The following PSD2 variants were observed in gnomAD, a reference collection of about 807,000 sequenced individuals.
The protein encoded by PSD2 is pleckstrin and Sec7 domain containing 2.
PSD2 carries 38 observed loss-of-function variants against 69.8 expected under a neutral mutation model. The ratio of observed to expected loss-of-function variants is 0.54; its 90% CI spans 0.42 to 0.71. The LOEUF is 0.71. Among genes scored for constraint, PSD2 ranks in the 30% least tolerant of loss-of-function variants. The probability of loss-of-function intolerance (pLI) is 0.00; values close to 1 mark genes in which losing one functional copy is unlikely to be tolerated. For synonymous variants in PSD2, 412 were observed against 423.0 expected, an observed-to-expected ratio of 0.97 and a Z score of 0.32; for missense variants, 943 against 1,014.5, an observed-to-expected ratio of 0.93 and a Z score of 0.96.
the PSD2 span, among the ~76,000 whole-genome samples, chr5:139,790,665 G>A: frequency 6.6e-6 from 1 of 152,168 alleles, no homozygotes; most frequent in Non-Finnish European, 1.5e-5. Context: ...CTAAGACCAG[G>A]CCTGTGAATG....
intron 1 of PSD2, among the ~76,000 whole-genome samples, chr5:139,806,183 A>C (rs1378511149): frequency 6.6e-6 from 1 of 152,198 alleles, no homozygotes; most frequent in Non-Finnish European, 1.5e-5. Context: ...GCTGCAGGGG[A>C]TCTTGGCCAA....
In PSD2 at chr5:139,842,646, C is replaced by G. The variant is rs917196743; in HGVS notation, c.*172C>G. On this transcript the variant is annotated 3_prime_UTR_variant, in exon 15 of 15. Coordinates refer to ENST00000274710, the MANE Select transcript of PSD2 (RefSeq NM_032289.4). ...GAGATGCCGTTTGTGGCGTTGATCTCCTTGCGTCCTTGGGCATCTCCGGGC... is the reference window on the plus strand; with the variant it reads ...GAGATGCCGTTTGTGGCGTTGATCTGCTTGCGTCCTTGGGCATCTCCGGGC... 1.6e-6 allele frequency: 1 copy of G among 614,022 alleles called. No individual in the cohort carries two copies. The highest frequency in any genetic ancestry group is 1.8e-5 in the African/African-American group (1 of 54,236). 38.0% of individuals were successfully genotyped at this position (614,022 alleles called of 1,614,324 possible).
At chr5:139,774,148 G>A in the PSD2 span, among the ~76,000 whole-genome samples, 1 of 151,456 alleles carries the variant, frequency 6.6e-6, no homozygotes, top group African/African-American at 2.4e-5. Context: ...GATGTGCATT[G>A]TCCTAATGAT....
At chr5:139,793,759 T>C (rs149061181), upstream of PSD2, among the ~76,000 whole-genome samples, 807 of 152,320 alleles carry the variant, frequency 5.3e-3, 5 homozygotes, top group Non-Finnish European at 6.2e-3. Flanking sequence ...TAAGTAATCA[T>C]TACAGCTGGA....
At chr5:139,840,220 C>T (rs774869655) in intron 14 of PSD2, 50 bp downstream of exon 14, 23 of 1,600,464 alleles carry the variant, frequency 1.4e-5, no homozygotes, top group Non-Finnish European at 5.1e-6. Context: ...GCTCTTTCTC[C>T]TTCCTGCCTG....
chr5:139,824,462 T>A (rs1760362636), intron 7 of PSD2, among the ~76,000 whole-genome samples: 1 of 145,480 alleles, frequency 6.9e-6, no homozygotes, highest in Non-Finnish European at 1.5e-5. Flanking sequence ...AGTGGCGAGA[T>A]CTCGGTTCAC....
At chr5:139,830,823 C>CTTTTTTTTT (rs60786662) in intron 7 of PSD2, among the ~76,000 whole-genome samples, 354 of 82,838 alleles carry the variant, frequency 4.3e-3, no homozygotes, top group Non-Finnish European at 5.3e-3. Context: ...CCTGGACTTG[C>CTTTTTTTTT]TTTTTTTTTT....
At chr5:139,809,044 AG>A (rs1759882231) in intron 1 of PSD2, among the ~76,000 whole-genome samples, 1 of 152,128 alleles carries the variant, frequency 6.6e-6, no homozygotes, top group Non-Finnish European at 1.5e-5. Flanking sequence ...CGGGAATGGG[AG>A]GGGGCCCTAC....
the PSD2 span, among the ~76,000 whole-genome samples, chr5:139,788,179 GC>G: frequency 0.69 from 86,130 of 124,730 alleles, 27,504 homozygotes; most frequent in Middle Eastern, 0.8. Context: ...CCCCCCCCGC[GC>G]CCCCCCCCGA....
In PSD2 at chr5:139,843,221, C is replaced by T. The variant is rs1240945873; in HGVS notation, c.*747C>T. Reference sequence around the variant, plus strand: ...AAAGGAAAAGCCTATTTTGGAGCTTCCCCTGTTAGGAAGGATGGCTGCACC... The same window carrying T: ...AAAGGAAAAGCCTATTTTGGAGCTTTCCCTGTTAGGAAGGATGGCTGCACC... On this transcript the variant is annotated 3_prime_UTR_variant, in exon 15 of 15. Coordinates refer to ENST00000274710, the MANE Select transcript of PSD2 (RefSeq NM_032289.4). 6.6e-6 allele frequency: 1 copy of T among 152,256 alleles called. No individual in the cohort carries two copies. Among genetic ancestry groups the T allele is most frequent in the Non-Finnish European group, 1.5e-5 (1 of 68,048 alleles). 9.4% of individuals were successfully genotyped at this position (152,256 alleles called of 1,614,324 possible).
intron 1 of PSD2, among the ~76,000 whole-genome samples, chr5:139,807,808 T>C (rs1759850146): frequency 6.6e-6 from 1 of 152,178 alleles, no homozygotes; most frequent in Non-Finnish European, 1.5e-5. Context: ...AGGCTCTTGT[T>C]CTCTAAGTGA....
chr5:139,794,673 G>T (rs1378016314), upstream of PSD2, among the ~76,000 whole-genome samples: 1 of 152,196 alleles, frequency 6.6e-6, no homozygotes, highest in African/African-American at 2.4e-5. Flanking sequence ...GCAACTGGGT[G>T]TGGTGAACCC....
the PSD2 span, among the ~76,000 whole-genome samples, chr5:139,789,697 C>T: frequency 3.3e-5 from 5 of 152,178 alleles, no homozygotes; most frequent in Non-Finnish European, 7.3e-5. Context: ...TGTTCCAGCC[C>T]CCTGGGAATC....
At chr5:139,747,948 C>G in the PSD2 span, among the ~76,000 whole-genome samples, 5 of 152,258 alleles carry the variant, frequency 3.3e-5, no homozygotes, top group Admixed American at 6.5e-5. This position sits in a 1 kb window ranked among gnomAD's most constrained non-coding sequence, Gnocchi z 6.7. Context: ...AAGCTCAGGC[C>G]GTTCCCATCA....
the PSD2 span, among the ~76,000 whole-genome samples, chr5:139,766,901 T>TTCCCTCCC: frequency 7.0e-6 from 1 of 143,658 alleles, no homozygotes; most frequent in African/African-American, 2.6e-5. Context: ...CTTTCCCTCT[T>TTCCCTCCC]TCCCTCCCTT....
intron 1 of PSD2, among the ~76,000 whole-genome samples, chr5:139,799,078 C>T (rs1008874375): frequency 5.9e-5 from 9 of 152,048 alleles, no homozygotes; most frequent in Non-Finnish European, 1.3e-4. Context: ...CATTTTGGGG[C>T]AAGAATATCT....
rs562677994 is a variant in PSD2, at chr5:139,814,076, G to T, written c.822-94G>T. On this transcript the variant is annotated intron_variant, in intron 3 of 14. Coordinates refer to ENST00000274710, the MANE Select transcript of PSD2 (RefSeq NM_032289.4). This position sits in a 1 kb window ranked among gnomAD's most constrained non-coding sequence, Gnocchi z 4.4. ...TCTTTCCCTGTTCTGGCCCCTACATGGTTTGCAGTGGCCTGGGGAAACCTC... is the reference window on the plus strand; with the variant it reads ...TCTTTCCCTGTTCTGGCCCCTACATTGTTTGCAGTGGCCTGGGGAAACCTC... 1 of 1,201,028 alleles carries T rather than the reference G, an allele frequency of 8.3e-7. No individual in the cohort carries two copies. Among genetic ancestry groups the T allele is most frequent in the Non-Finnish European group, 1.2e-6 (1 of 832,920 alleles). 74.4% of individuals were successfully genotyped at this position (1,201,028 alleles called of 1,614,324 possible).
chr5:139,788,410 C>T, the PSD2 span, among the ~76,000 whole-genome samples: 1 of 152,018 alleles, frequency 6.6e-6, no homozygotes, highest in East Asian at 2.1e-4. Flanking sequence ...GCGCCGCGCG[C>T]CCCGCTCCCT....
chr5:139,842,237 T>C, intron 14 of PSD2, 34 bp from the exon 15 acceptor site: 1 of 1,586,712 alleles, frequency 6.3e-7, no homozygotes, highest in Non-Finnish European at 8.7e-7. Flanking sequence ...TCCTATTTTG[T>C]TGTCTTTTGA....
Sources: gnomAD v4.1 joint callset for allele counts (sites outside exome capture counted in the v4.1 genomes callset) on GRCh38, gnomAD v4.1.1 for gene constraint, Gnocchi (gnomAD v3.1) non-coding constraint, MANE v1.5 for transcripts, NCBI Gene and HGNC (gene_info 2026-07-23, HGNC 2026-07-21) for gene names.